Variants in XPC observed in about 807,000 individuals in gnomAD.
XPC encodes the protein DNA repair protein complementing XP-C cells.
In XPC, 76 loss-of-function variants were observed where a neutral mutation model predicts 95.8. The ratio of observed to expected loss-of-function variants is 0.79; its 90% CI spans 0.66 to 0.96. XPC has a LOEUF of 0.96. Ranked by LOEUF, XPC falls within the 40% of genes least tolerant of loss-of-function variation. The probability of loss-of-function intolerance (pLI) is 0.00; values close to 1 mark genes in which losing one functional copy is unlikely to be tolerated. For missense variants in XPC, 1,146 were observed against 1,179.8 expected (o/e 0.97, Z 0.42); for synonymous variants, 442 against 442.1 (o/e 1.00, Z 0.00).
chr3:14,147,444 A>G, intron 14 of XPC, 65 bp from the exon 15 acceptor site: 1 of 1,452,776 alleles, frequency 6.9e-7, no homozygotes, highest in East Asian at 2.5e-5. Context: ...AAATATTAAG[A>G]TGGAAACTGT....
intron 5 of XPC, 134 bp from the exon 6 acceptor site, chr3:14,165,719 C>G (rs565988162): frequency 6.5e-5 from 70 of 1,076,644 alleles, no homozygotes; most frequent in South Asian, 6.2e-4. Flanking sequence ...AAAGTAAAAA[C>G]ACTAGCATTG....
At chr3:14,157,442 G>A (rs1199313082) in intron 9 of XPC, among the ~76,000 whole-genome samples, 2 of 152,102 alleles carry the variant, frequency 1.3e-5, no homozygotes, top group Non-Finnish European at 2.9e-5. Context: ...CACTATTCCT[G>A]GTGTCAGTGC....
intron 8 of XPC, 149 bp from the exon 9 acceptor site, chr3:14,159,041 A>G: frequency 2.8e-6 from 3 of 1,054,516 alleles, no homozygotes; most frequent in Admixed American, 4.6e-5. Context: ...TCAACCAGCT[A>G]TCCTTCAGGG....
intron 1 of XPC, among the ~76,000 whole-genome samples, chr3:14,175,564 T>A (rs1463263140): frequency 6.6e-6 from 1 of 152,060 alleles, no homozygotes; most frequent in East Asian, 1.9e-4. Flanking sequence ...TGTGTGAAAA[T>A]AGTAGGCGCT....
chr3:14,155,824 C>CT (rs1695882002), intron 10 of XPC, among the ~76,000 whole-genome samples: 1 of 152,196 alleles, frequency 6.6e-6, no homozygotes, highest in African/African-American at 2.4e-5. Flanking sequence ...TCCCAAAGTG[C>CT]TGGGATTACA....
intron 10 of XPC, 200 bp from the exon 11 acceptor site, chr3:14,152,616 T>C: frequency 1.9e-6 from 1 of 530,908 alleles, no homozygotes; most frequent in East Asian, 3.3e-5. Flanking sequence ...GGGGGATGTG[T>C]CCACTTACAA....
intron 7 of XPC, among the ~76,000 whole-genome samples, chr3:14,163,669 T>C (rs1008713315): frequency 1.3e-5 from 2 of 152,214 alleles, no homozygotes; most frequent in Admixed American, 6.5e-5. Context: ...ATTTTGGAAA[T>C]AGAGGTGGTA....
chr3:14,158,173 C>T lies in XPC; in HGVS notation c.1710G>A (p.Val570=). 1.9e-6 allele frequency: 3 copies of T among 1,613,958 alleles called. No homozygotes were observed. Among genetic ancestry groups the T allele is most frequent in the Non-Finnish European group, 2.5e-6 (3 of 1,179,894 alleles). The change falls in exon 9 of 16, where the codon GTG becomes GTA. Residue 570 remains valine (V), a synonymous_variant. Coordinates refer to ENST00000285021, the MANE Select transcript of XPC (RefSeq NM_004628.5). The surrounding 1 kb of genome is among the most constrained non-coding windows in gnomAD (Gnocchi z 5.2). The stretch of plus-strand genomic sequence containing the variant: ...GGACCCAGCCGTCACTGTCAATGCC[C>T]ACCACATAGGTCATGGGCTTGGTGG... ...KYATKPMTYV[V]GIDSDGWVRD... is the part of the protein sequence containing the mutation.
At chr3:14,154,457 A>G (rs1695820244) in intron 10 of XPC, among the ~76,000 whole-genome samples, 1 of 152,162 alleles carries the variant, frequency 6.6e-6, no homozygotes, top group Non-Finnish European at 1.5e-5. Context: ...ACAATGGAGT[A>G]TCAGCCTAAA....
chr3:14,162,374 G>A (rs762438267), intron 7 of XPC, among the ~76,000 whole-genome samples: 14 of 152,118 alleles, frequency 9.2e-5, no homozygotes, highest in South Asian at 2.1e-4. Flanking sequence ...TCCTGATTTC[G>A]CAACTTACTA....
chr3:14,172,143 A>G (rs1346999057), intron 2 of XPC, among the ~76,000 whole-genome samples: 1 of 152,190 alleles, frequency 6.6e-6, no homozygotes, highest in African/African-American at 2.4e-5. Flanking sequence ...ATAAATGCTC[A>G]TTCATTGCAA....
At chr3:14,175,647 C>T (rs1158178894) in intron 1 of XPC, among the ~76,000 whole-genome samples, 3 of 152,140 alleles carry the variant, frequency 2.0e-5, no homozygotes, top group Non-Finnish European at 4.4e-5. Context: ...GAAAAGAAAC[C>T]AGAGGTGCTT....
intron 3 of XPC, among the ~76,000 whole-genome samples, chr3:14,170,202 A>G (rs1220057652): frequency 2.6e-5 from 4 of 152,238 alleles, no homozygotes; most frequent in Non-Finnish European, 5.9e-5. Flanking sequence ...CTGCCTCTCT[A>G]TTTATATCTA....
chr3:14,172,256 G>T (rs3731068), intron 2 of XPC, among the ~76,000 whole-genome samples: 18,228 of 152,164 alleles, frequency 0.12, 1,401 homozygotes, highest in Non-Finnish European at 0.17. Flanking sequence ...GAGGTCACAG[G>T]GTAGTAAGCC....
At position 14,148,714 on chromosome 3, in the gene XPC, A is replaced by T. The variant is rs1459954932; in HGVS notation, c.2268T>A (p.Phe756Leu). 2.5e-6 allele frequency: 4 copies of T among 1,613,994 alleles called. No homozygotes were observed. Residue 756 changes from phenylalanine (F) to leucine (L), a missense_variant, in exon 13 of 16, where the codon TTT becomes TTA. Phe to Leu is a conservative substitution (Grantham distance 22, BLOSUM62 0). Coordinates refer to ENST00000285021, the MANE Select transcript of XPC (RefSeq NM_004628.5). ...TGGGCAGGAAGAGGTACACATTCCC[A>T]AACTCGTTCCGGGGCACCTGTGTCG... is the stretch of plus-strand genomic sequence containing the variant. ...AVDGKVPRNE[F>L]GNVYLFLPSM...
rs556892131 is a variant in XPC at position 14,156,636 on chromosome 3, C to T, written c.1873-141G>A. 1.4e-5 allele frequency: 16 copies of T among 1,117,414 alleles called. No individual in the cohort carries two copies. In the East Asian group the frequency reaches 2.7e-4, roughly 19 times the overall value. The allele number at this position is 1,117,414 out of a possible 1,614,324, so 69.2% of individuals were successfully genotyped here. A position where few individuals can be genotyped will look rare whatever the true frequency, so the allele number is the denominator to read the frequency against. On this transcript the variant is annotated intron_variant, in intron 9 of 15. Coordinates refer to ENST00000285021, the MANE Select transcript of XPC (RefSeq NM_004628.5). ...ATGAACACTAATGGTTTTGTAACAT[C>T]GCATCTGTACCTCCGGCCAGTAAGT...
rs1695412258 is a variant in XPC, at chr3:14,145,985, T to C, written c.2779A>G (p.Lys927Glu). 6.2e-7 allele frequency: 1 copy of C among 1,608,940 alleles called. No individual in the cohort carries two copies. The highest frequency in any genetic ancestry group is 8.5e-7 in the Non-Finnish European group (1 of 1,176,276). The change falls in exon 16 of 16, where the codon AAG becomes GAG. Residue 927 changes from lysine (K) to glutamate (E), a missense_variant. Physicochemically the swap from Lys to Glu is moderately conservative, Grantham distance 56. Coordinates refer to ENST00000285021, the MANE Select transcript of XPC (RefSeq NM_004628.5). ...KGGPKKTKRE[K>E]KAAASHLFPF... ...AACAGGTGGGAAGCTGCTGCTTTCT[T>C]TTCCCTTTTGGTCTTCTTGGGCCCA...
chr3:14,170,631 A>G (rs1400897802), intron 2 of XPC, 81 bp from the exon 3 acceptor site: 12 of 1,031,720 alleles, frequency 1.2e-5, no homozygotes, highest in Non-Finnish European at 1.7e-5. Context: ...AATTTTTAAA[A>G]CCCCTCCTAT....
At chr3:14,165,012 G>C (rs952826212) in intron 6 of XPC, 79 bp from the exon 7 acceptor site, 5 of 1,541,314 alleles carry the variant, frequency 3.2e-6, no homozygotes, top group Non-Finnish European at 4.4e-6. Flanking sequence ...AAAATAAAAA[G>C]AGGGAGTGAA....
Sources: allele counts gnomAD v4.1 joint callset (sites outside exome capture counted in the v4.1 genomes callset), GRCh38; gene constraint gnomAD v4.1.1; non-coding constraint Gnocchi (gnomAD v3.1); transcripts MANE v1.5; gene names NCBI Gene and HGNC (gene_info 2026-07-23, HGNC 2026-07-21).